The following TMEM117 variants were observed in gnomAD, a reference collection of about 807,000 sequenced individuals.
The protein encoded by TMEM117 is transmembrane protein 117.
In TMEM117, 27 loss-of-function variants were observed where a neutral mutation model predicts 52.4. The ratio of observed to expected loss-of-function variants is 0.51; its 90% CI spans 0.38 to 0.71. TMEM117 has a LOEUF of 0.71. Ranked by LOEUF, TMEM117 falls within the 30% of genes least tolerant of loss-of-function variation. The probability of loss-of-function intolerance (pLI) is 0.00; values close to 1 mark genes in which losing one functional copy is unlikely to be tolerated. For missense variants in TMEM117, 556 were observed against 630.5 expected, an observed-to-expected ratio of 0.88 and a Z score of 1.26; for synonymous variants, 215 against 206.3, an observed-to-expected ratio of 1.04 and a Z score of -0.36.
intron 2 of TMEM117, among the ~76,000 whole-genome samples, chr12:43,926,757 AT>A (rs529791587): frequency 2.2e-5 from 1 of 45,710 alleles, no homozygotes; most frequent in Non-Finnish European, 5.2e-5. Context: ...GTATTTATCC[AT>A]TTTTTATCTC....
intron 3 of TMEM117, among the ~76,000 whole-genome samples, chr12:44,094,253 G>A (rs1315697848): frequency 2.6e-5 from 4 of 152,112 alleles, no homozygotes; most frequent in Admixed American, 6.6e-5. Flanking sequence ...GTAAGTCATG[G>A]GCTTCTGCCC....
chr12:44,280,597 A>T (rs919087381), intron 5 of TMEM117, among the ~76,000 whole-genome samples: 5 of 152,006 alleles, frequency 3.3e-5, no homozygotes, highest in Admixed American at 1.3e-4. Flanking sequence ...TTATTTGTGT[A>T]CATATTGGCA....
At chr12:44,348,648 C>T (rs1050635904) in intron 6 of TMEM117, among the ~76,000 whole-genome samples, 2 of 151,740 alleles carry the variant, frequency 1.3e-5, no homozygotes, top group African/African-American at 4.8e-5. Flanking sequence ...TAATGCTAGA[C>T]CTAGTTATAT....
At chr12:44,126,408 T>G (rs1333439559) in intron 3 of TMEM117, among the ~76,000 whole-genome samples, 1 of 152,194 alleles carries the variant, frequency 6.6e-6, no homozygotes, top group Non-Finnish European at 1.5e-5. Context: ...CTCTATAAGG[T>G]GGAATTTCTC....
At chr12:44,175,553 A>G (rs574855579) in intron 4 of TMEM117, among the ~76,000 whole-genome samples, 1 of 152,332 alleles carries the variant, frequency 6.6e-6, no homozygotes, top group East Asian at 1.9e-4. Context: ...TTGGATATAC[A>G]TATTCAAACG....
chr12:44,103,246 G>A (rs1186338780), intron 3 of TMEM117, among the ~76,000 whole-genome samples: 10 of 149,920 alleles, frequency 6.7e-5, no homozygotes, highest in Non-Finnish European at 1.5e-4. Context: ...TTTTTGAGAG[G>A]AATTTTTCCT....
the TMEM117 span, among the ~76,000 whole-genome samples, chr12:43,812,930 C>T: frequency 6.6e-6 from 1 of 151,398 alleles, no homozygotes; most frequent in Non-Finnish European, 1.5e-5. Flanking sequence ...TGCTTGAGCC[C>T]AGGAGTTCAA....
chr12:43,933,578 T>A (rs1182210562), intron 2 of TMEM117, among the ~76,000 whole-genome samples: 1 of 152,040 alleles, frequency 6.6e-6, no homozygotes, highest in African/African-American at 2.4e-5. Context: ...TTTCCTTTTT[T>A]TATTGAGATG....
intron 4 of TMEM117, among the ~76,000 whole-genome samples, chr12:44,172,528 G>A (rs1254650269): frequency 6.6e-6 from 1 of 151,994 alleles, no homozygotes; most frequent in Non-Finnish European, 1.5e-5. Flanking sequence ...TTGGATTAAG[G>A]GCTCACCTAT....
chr12:43,843,267 T>A (rs973874293), intron 1 of TMEM117, among the ~76,000 whole-genome samples: 1 of 152,168 alleles, frequency 6.6e-6, no homozygotes, highest in Non-Finnish European at 1.5e-5. Context: ...CTGTATTATT[T>A]TTGATATCTA....
chr12:44,291,374 G>GTTTTTTT (rs1185340451), intron 5 of TMEM117, among the ~76,000 whole-genome samples: 1 of 71,454 alleles, frequency 1.4e-5, no homozygotes, highest in African/African-American at 5.8e-5. Flanking sequence ...AGTTCTAACA[G>GTTTTTTT]TTTTTTTTTT....
intron 2 of TMEM117, among the ~76,000 whole-genome samples, chr12:43,851,482 G>A (rs1205134501): frequency 6.6e-6 from 1 of 151,792 alleles, no homozygotes; most frequent in African/African-American, 2.4e-5. Flanking sequence ...TTTAAAATGT[G>A]TTTTAATAAT....
chr12:43,975,076 G>C (rs1034855788), intron 3 of TMEM117, among the ~76,000 whole-genome samples: 1 of 152,110 alleles, frequency 6.6e-6, no homozygotes, highest in African/African-American at 2.4e-5. Flanking sequence ...GCTACCACTT[G>C]TCTGCCTTGT....
At chr12:44,240,561 C>A (rs571191709) in intron 5 of TMEM117, among the ~76,000 whole-genome samples, 9 of 151,956 alleles carry the variant, frequency 5.9e-5, no homozygotes, top group Admixed American at 3.3e-4. Flanking sequence ...TGGCTAATTT[C>A]TTTTGTATCA....
intron 3 of TMEM117, among the ~76,000 whole-genome samples, chr12:44,043,420 G>A (rs1348920914): frequency 3.9e-5 from 6 of 152,204 alleles, no homozygotes; most frequent in Non-Finnish European, 8.8e-5. Context: ...AACTTGGAAT[G>A]GGGACATGTG....
intron 2 of TMEM117, among the ~76,000 whole-genome samples, chr12:43,845,874 A>T (rs1218710176): frequency 1.3e-5 from 2 of 152,196 alleles, no homozygotes; most frequent in Admixed American, 1.3e-4. Context: ...ACATGAACTC[A>T]TCTTTTCTTA....
At chr12:43,991,437 TTATCTATCTATCTATC>T (rs58794606) in intron 3 of TMEM117, among the ~76,000 whole-genome samples, 28 of 150,066 alleles carry the variant, frequency 1.9e-4, no homozygotes, top group South Asian at 4.2e-4. Flanking sequence ...ATATTTATTG[TTATCTATCTATCTATC>T]TATCTATCTA....
At chr12:44,367,482 A>G (rs1411165088) in intron 6 of TMEM117, among the ~76,000 whole-genome samples, 2 of 151,874 alleles carry the variant, frequency 1.3e-5, no homozygotes, top group East Asian at 3.9e-4. Flanking sequence ...ATTGCATGCC[A>G]TTTCTTTTCA....
chr12:44,012,069 G>A (rs983836166), intron 3 of TMEM117, among the ~76,000 whole-genome samples: 3 of 152,142 alleles, frequency 2.0e-5, no homozygotes, highest in Non-Finnish European at 2.9e-5. Context: ...AACTGAAATC[G>A]TGGAAAGCAA....
Sources: allele counts gnomAD v4.1 joint callset (sites outside exome capture counted in the v4.1 genomes callset), GRCh38; gene constraint gnomAD v4.1.1; transcripts MANE v1.5; gene names NCBI Gene and HGNC (gene_info 2026-07-23, HGNC 2026-07-21).